The following PEX5L variants were observed in gnomAD, a reference collection of about 807,000 sequenced individuals.
PEX5L encodes peroxisomal biogenesis factor 5 like, also known as PEX5-related protein.
PEX5L carries 30 observed loss-of-function variants against 84.0 expected under a neutral mutation model. The observed-to-expected ratio is 0.36, with a 90% CI of 0.27 to 0.48. The LOEUF (loss-of-function observed/expected upper bound fraction) is 0.48, where lower values mean the gene tolerates loss of function less well. PEX5L is among the 20% of genes least tolerant of loss of function. The probability of loss-of-function intolerance (pLI) is 0.99; values close to 1 mark genes in which losing one functional copy is unlikely to be tolerated. For missense variants in PEX5L, 533 were observed against 754.6 expected (o/e 0.71, Z 3.44); for synonymous variants, 270 against 283.1 (o/e 0.95, Z 0.46).
At chr3:180,017,437 A>G (rs1790040161) in intron 1 of PEX5L, among the ~76,000 whole-genome samples, 1 of 152,194 alleles carries the variant, frequency 6.6e-6, no homozygotes, top group Admixed American at 6.5e-5. Context: ...AGTGTGAACT[A>G]TGTGAAAAGT....
chr3:179,855,435 G>A (rs909792914), intron 8 of PEX5L, among the ~76,000 whole-genome samples: 1 of 152,152 alleles, frequency 6.6e-6, no homozygotes, highest in Non-Finnish European at 1.5e-5. Flanking sequence ...ATATCCCACT[G>A]TAGTGTCCAT....
chr3:179,809,697 ATT>A, intron 11 of PEX5L, 29 bp from the exon 12 acceptor site: 1 of 1,490,386 alleles, frequency 6.7e-7, no homozygotes, highest in Non-Finnish European at 9.1e-7. Flanking sequence ...CCAATTTCAG[ATT>A]TTTTTTTGAG....
intron 9 of PEX5L, among the ~76,000 whole-genome samples, chr3:179,818,027 G>A (rs1206890286): frequency 6.6e-6 from 1 of 152,166 alleles, no homozygotes; most frequent in African/African-American, 2.4e-5. Context: ...GCCCATTGAG[G>A]GACAGAGTAT....
intron 2 of PEX5L, among the ~76,000 whole-genome samples, chr3:179,951,155 A>C (rs1778983877): frequency 6.6e-6 from 1 of 152,214 alleles, no homozygotes; most frequent in South Asian, 2.1e-4. Context: ...TTGTGACTTT[A>C]TAAGACTGAA....
At chr3:179,986,014 G>A (rs894215804) in intron 1 of PEX5L, among the ~76,000 whole-genome samples, 3 of 152,108 alleles carry the variant, frequency 2.0e-5, no homozygotes, top group African/African-American at 7.2e-5. Context: ...GTTTCTGCAG[G>A]AAGTAATTGG....
chr3:180,014,984 G>C (rs1319900133), intron 1 of PEX5L, among the ~76,000 whole-genome samples: 1 of 152,122 alleles, frequency 6.6e-6, no homozygotes, highest in Non-Finnish European at 1.5e-5. Flanking sequence ...CACTGACATA[G>C]AGCATAAACA....
At chr3:179,850,150 G>A (rs191047379) in intron 8 of PEX5L, among the ~76,000 whole-genome samples, 18 of 150,480 alleles carry the variant, frequency 1.2e-4, no homozygotes, top group African/African-American at 4.4e-4. Context: ...TTTTTTGATG[G>A]AGTTTTGCTC....
At chr3:179,828,856 C>G (rs190022551) in intron 8 of PEX5L, among the ~76,000 whole-genome samples, 18 of 152,308 alleles carry the variant, frequency 1.2e-4, no homozygotes, top group Non-Finnish European at 2.2e-4. Context: ...TCCAGTGAAA[C>G]TCATCTCCAA....
chr3:179,861,925 C>A (rs932660671), intron 7 of PEX5L, among the ~76,000 whole-genome samples: 3 of 152,178 alleles, frequency 2.0e-5, no homozygotes, highest in Non-Finnish European at 2.9e-5. Context: ...TTTTCTAAGT[C>A]TTCTTGACCC....
intron 8 of PEX5L, among the ~76,000 whole-genome samples, chr3:179,840,898 G>C (rs933193320): frequency 6.6e-6 from 1 of 152,144 alleles, no homozygotes; most frequent in Non-Finnish European, 1.5e-5. Context: ...CACCCAAGTA[G>C]CAGTATCGGT....
chr3:179,905,593 A>C (rs982436513), intron 2 of PEX5L, among the ~76,000 whole-genome samples: 1 of 152,074 alleles, frequency 6.6e-6, no homozygotes. Flanking sequence ...GTTGTTAAAA[A>C]TTTAGTCTAT....
chr3:179,939,880 G>GA (rs1775593169), intron 2 of PEX5L, among the ~76,000 whole-genome samples: 1 of 151,988 alleles, frequency 6.6e-6, no homozygotes, highest in African/African-American at 2.4e-5. Context: ...GAAAGCCAGA[G>GA]AAAAAATGAG....
intron 1 of PEX5L, among the ~76,000 whole-genome samples, chr3:179,985,613 T>G (rs772839733): frequency 1.9e-4 from 29 of 152,118 alleles, no homozygotes; most frequent in Admixed American, 1.3e-3. Flanking sequence ...TGGAGCCATA[T>G]AAAAACCCTT....
chr3:179,930,296 T>C (rs544406223), intron 2 of PEX5L, among the ~76,000 whole-genome samples: 1 of 152,322 alleles, frequency 6.6e-6, no homozygotes, highest in Admixed American at 6.5e-5. Flanking sequence ...AGTGTCTAAC[T>C]TCCTTTCCAG....
intron 1 of PEX5L, among the ~76,000 whole-genome samples, chr3:179,989,774 C>G (rs545966012): frequency 6.6e-6 from 1 of 152,126 alleles, no homozygotes; most frequent in Admixed American, 6.5e-5. Flanking sequence ...GAGTAGTCAC[C>G]TAAAAGAATT....
chr3:179,848,321 T>C (rs1360892951), intron 8 of PEX5L, among the ~76,000 whole-genome samples: 1 of 151,844 alleles, frequency 6.6e-6, no homozygotes, highest in Non-Finnish European at 1.5e-5. Context: ...AAGGCTGAGG[T>C]GGGCAGATCA....
chr3:180,028,327 T>G (rs769349323), intron 1 of PEX5L, among the ~76,000 whole-genome samples: 11 of 152,232 alleles, frequency 7.2e-5, no homozygotes, highest in Non-Finnish European at 1.5e-4. Flanking sequence ...TCTAAATTTC[T>G]AATTCAATTT....
intron 11 of PEX5L, among the ~76,000 whole-genome samples, chr3:179,810,549 A>T (rs539479360): frequency 6.6e-6 from 1 of 152,222 alleles, no homozygotes; most frequent in East Asian, 1.9e-4. Flanking sequence ...GTGTCTTATA[A>T]AATCTTCATT....
At chr3:179,919,851 T>C (rs1768666082) in intron 2 of PEX5L, among the ~76,000 whole-genome samples, 1 of 152,214 alleles carries the variant, frequency 6.6e-6, no homozygotes, top group South Asian at 2.1e-4. Context: ...TATAGGTGTG[T>C]GCCACCATGC....
Sources: allele counts gnomAD v4.1 joint callset (sites outside exome capture counted in the v4.1 genomes callset), GRCh38; gene constraint gnomAD v4.1.1; transcripts MANE v1.5; gene names NCBI Gene and HGNC (gene_info 2026-07-23, HGNC 2026-07-21).